The following KCNH5 variants were observed in gnomAD, a reference collection of about 807,000 sequenced individuals.
KCNH5 encodes the protein voltage-gated delayed rectifier potassium channel KCNH5.
KCNH5 carries 46 observed loss-of-function variants against 96.1 expected under a neutral mutation model. That is an observed-to-expected ratio of 0.48 (90% CI 0.38 to 0.61). The LOEUF (loss-of-function observed/expected upper bound fraction) is 0.61, where lower values mean the gene tolerates loss of function less well. KCNH5 is among the 20% of genes least tolerant of loss of function. The pLI is 0.00. For synonymous variants in KCNH5, 439 were observed against 449.8 expected, an observed-to-expected ratio of 0.98 and a Z score of 0.30; for missense variants, 907 against 1,225.8, an observed-to-expected ratio of 0.74 and a Z score of 3.88.
chr14:63,033,370 A>G (rs556621562), intron 1 of KCNH5, among the ~76,000 whole-genome samples: 26 of 152,312 alleles, frequency 1.7e-4, no homozygotes, highest in South Asian at 1.5e-3. Flanking sequence ...CTCCTTAGGA[A>G]TGTTCACATG....
At chr14:62,994,295 T>C (rs1890867087) in intron 4 of KCNH5, among the ~76,000 whole-genome samples, 1 of 152,076 alleles carries the variant, frequency 6.6e-6, no homozygotes, top group African/African-American at 2.4e-5. Context: ...TCACAATTAT[T>C]GGCAAGAAAA....
intron 10 of KCNH5, among the ~76,000 whole-genome samples, chr14:62,733,966 T>C (rs893130639): frequency 1.3e-5 from 2 of 151,890 alleles, no homozygotes; most frequent in Non-Finnish European, 2.9e-5. Context: ...GATCTCACTA[T>C]CCAAATCTGT....
At chr14:62,865,912 C>G (rs1249010330) in intron 7 of KCNH5, among the ~76,000 whole-genome samples, 1 of 152,084 alleles carries the variant, frequency 6.6e-6, no homozygotes, top group Non-Finnish European at 1.5e-5. Context: ...AGACAATATT[C>G]CATCCTATGT....
chr14:62,901,691 G>A (rs371123450), intron 7 of KCNH5, among the ~76,000 whole-genome samples: 3 of 152,172 alleles, frequency 2.0e-5, no homozygotes, highest in African/African-American at 7.2e-5. Context: ...AAGAACATGT[G>A]AGTGCATGTG....
chr14:63,041,131 T>G (rs1157919115), intron 1 of KCNH5, among the ~76,000 whole-genome samples: 2 of 152,114 alleles, frequency 1.3e-5, no homozygotes, highest in East Asian at 3.8e-4. Context: ...GTCTGCCTAT[T>G]TGCTAAGGAA....
Position 62,980,995 on chromosome 14 carries a change from G to A in KCNH5, c.819C>T (p.Pro273=), listed in dbSNP as rs115017019. ...TAGGGTCAGAAATGACCTCTCCACC[G>A]GGCCCCACGAAAGTCGTGTGAAAAT... ...VLNFHTTFVG[P]GGEVISDPKL... The change falls in exon 6 of 11, where the codon CCC becomes CCT. Residue 273 remains proline (P), a synonymous_variant. Coordinates refer to ENST00000322893, the MANE Select transcript of KCNH5 (RefSeq NM_139318.5). The A allele has an allele frequency of 3.0e-4, 477 of 1,614,094 alleles. No homozygotes were observed. The African/African-American group carries it at 5.2e-3, about 17-fold the overall frequency.
At chr14:62,714,167 T>C (rs1172461699) in intron 10 of KCNH5, among the ~76,000 whole-genome samples, 1 of 151,752 alleles carries the variant, frequency 6.6e-6, no homozygotes, top group Non-Finnish European at 1.5e-5. Flanking sequence ...TGCATGCCCG[T>C]GGTCCTAGCT....
intron 7 of KCNH5, among the ~76,000 whole-genome samples, chr14:62,902,415 A>T (rs754523273): frequency 3.3e-5 from 5 of 152,066 alleles, no homozygotes; most frequent in African/African-American, 4.8e-5. Context: ...TAGGGATTTA[A>T]ATTGTACAAT....
At chr14:62,731,068 A>AGGTG (rs1885038399) in intron 10 of KCNH5, among the ~76,000 whole-genome samples, 3 of 152,166 alleles carry the variant, frequency 2.0e-5, no homozygotes, top group African/African-American at 7.2e-5. Flanking sequence ...TGGGAGGCTG[A>AGGTG]GGCAGGAGGA....
At chr14:63,014,104 A>C (rs940263212) in intron 2 of KCNH5, among the ~76,000 whole-genome samples, 4 of 152,158 alleles carry the variant, frequency 2.6e-5, no homozygotes, top group Non-Finnish European at 4.4e-5. Flanking sequence ...AGTAAGTAAT[A>C]ATTGTTTACA....
intron 2 of KCNH5, among the ~76,000 whole-genome samples, chr14:63,011,745 T>C (rs1383772990): frequency 6.6e-6 from 1 of 152,046 alleles, no homozygotes; most frequent in Admixed American, 6.6e-5. Flanking sequence ...TTCATCAGTC[T>C]CACCATGAGA....
At chr14:62,984,512 A>G (rs1166228166) in intron 5 of KCNH5, among the ~76,000 whole-genome samples, 1 of 152,216 alleles carries the variant, frequency 6.6e-6, no homozygotes, top group East Asian at 1.9e-4. Flanking sequence ...TGAGCAAATT[A>G]CAAGAGTTTT....
At chr14:62,915,511 A>C (rs972258477) in intron 7 of KCNH5, among the ~76,000 whole-genome samples, 12 of 152,236 alleles carry the variant, frequency 7.9e-5, no homozygotes, top group Non-Finnish European at 1.5e-4. Context: ...AAGTGAATGC[A>C]GTAAAAGTAA....
chr14:62,739,904 A>G (rs1885236187), intron 10 of KCNH5, among the ~76,000 whole-genome samples: 1 of 152,180 alleles, frequency 6.6e-6, no homozygotes. Context: ...ATAGCTAGGC[A>G]ATCAACATAA....
chr14:62,957,463 A>T (rs1890125814), intron 6 of KCNH5, among the ~76,000 whole-genome samples: 2 of 152,116 alleles, frequency 1.3e-5, no homozygotes, highest in Admixed American at 6.6e-5. Flanking sequence ...TCACAATACA[A>T]TGTTCTGGTA....
intron 7 of KCNH5, among the ~76,000 whole-genome samples, chr14:62,858,698 G>T (rs1887976473): frequency 1.3e-5 from 2 of 152,104 alleles, no homozygotes; most frequent in Non-Finnish European, 2.9e-5. Flanking sequence ...GGATCCCTAG[G>T]GGTGATGGTG....
chr14:62,762,550 A>G (rs932922957), intron 10 of KCNH5, among the ~76,000 whole-genome samples: 1 of 151,956 alleles, frequency 6.6e-6, no homozygotes, highest in African/African-American at 2.4e-5. Context: ...TGCATGTGCA[A>G]ACCTCACCAC....
intron 7 of KCNH5, among the ~76,000 whole-genome samples, chr14:62,879,072 T>C (rs190177966): frequency 9.9e-5 from 15 of 152,278 alleles, no homozygotes; most frequent in African/African-American, 3.4e-4. Flanking sequence ...ACATACTTTA[T>C]TAAAACAGTA....
At chr14:62,812,953 G>A (rs954353971) in intron 8 of KCNH5, among the ~76,000 whole-genome samples, 2 of 151,870 alleles carry the variant, frequency 1.3e-5, no homozygotes, top group Admixed American at 1.3e-4. Context: ...AAATATTTAT[G>A]GCACAATTAA....
Sources: allele counts gnomAD v4.1 joint callset (sites outside exome capture counted in the v4.1 genomes callset), GRCh38; gene constraint gnomAD v4.1.1; transcripts MANE v1.5; gene names NCBI Gene and HGNC (gene_info 2026-07-23, HGNC 2026-07-21).